The following VAMP7 variants were observed in gnomAD, a reference collection of about 807,000 sequenced individuals.
The protein encoded by VAMP7 is vesicle-associated membrane protein 7.
In VAMP7, 14 loss-of-function variants were observed where a neutral mutation model predicts 29.6. That is an observed-to-expected ratio of 0.47 (90% CI 0.31 to 0.74). The LOEUF is 0.74. Among genes scored for constraint, VAMP7 ranks in the 30% least tolerant of loss-of-function variants. The pLI, the probability that VAMP7 is intolerant of heterozygous loss-of-function variation, is 0.05. For synonymous variants in VAMP7, 95 were observed against 88.1 expected, an observed-to-expected ratio of 1.08 and a Z score of -0.44; for missense variants, 223 against 262.4, an observed-to-expected ratio of 0.85 and a Z score of 1.04.
intron 5 of VAMP7, among the ~76,000 whole-genome samples, chrX:155,905,011 T>C (rs1247285377): frequency 6.6e-6 from 1 of 151,554 alleles, no homozygotes; most frequent in Non-Finnish European, 1.5e-5. Context: ...GGCCAAACTT[T>C]CCTAAAGTGA....
At chrX:155,903,556 G>T (rs2066100561) in intron 5 of VAMP7, among the ~76,000 whole-genome samples, 2 of 151,920 alleles carry the variant, frequency 1.3e-5, no homozygotes, top group Admixed American at 1.3e-4. Flanking sequence ...GACATGAACA[G>T]ACACTTCTCA....
chrX:155,916,393 T>G (rs1343924256), intron 5 of VAMP7, among the ~76,000 whole-genome samples: 2 of 152,218 alleles, frequency 1.3e-5, no homozygotes, highest in Non-Finnish European at 2.9e-5. Flanking sequence ...TTTGATCCTG[T>G]GATTATAATG....
chrX:155,918,766 A>G (rs1348722389), intron 5 of VAMP7, among the ~76,000 whole-genome samples: 1 of 152,160 alleles, frequency 6.6e-6, no homozygotes, highest in African/African-American at 2.4e-5. Context: ...CATCTTGCCA[A>G]CCACCCTGAG....
intron 2 of VAMP7, among the ~76,000 whole-genome samples, chrX:155,892,647 G>T (rs60206718): frequency 0.018 from 2,675 of 152,018 alleles, 88 homozygotes; most frequent in African/African-American, 0.061. Context: ...AGAAACCCCT[G>T]AACATTAACA....
At chrX:155,919,041 GT>G (rs1248499725) in intron 5 of VAMP7, among the ~76,000 whole-genome samples, 5 of 152,030 alleles carry the variant, frequency 3.3e-5, no homozygotes, top group African/African-American at 9.7e-5. Context: ...CTGCAGTTTT[GT>G]TTTTTTGTTG....
At chrX:155,919,466 A>G (rs1318353015) in intron 5 of VAMP7, among the ~76,000 whole-genome samples, 8 of 152,134 alleles carry the variant, frequency 5.3e-5, no homozygotes, top group Admixed American at 1.3e-4. Flanking sequence ...TCTTGAGGAT[A>G]TATCTATGGT....
At chrX:155,915,557 C>T (rs761539126) in intron 5 of VAMP7, among the ~76,000 whole-genome samples, 47 of 152,138 alleles carry the variant, frequency 3.1e-4, no homozygotes, top group Admixed American at 1.8e-3. Context: ...GATTCTGGTA[C>T]GTTGTGTCTT....
intron 6 of VAMP7, among the ~76,000 whole-genome samples, chrX:155,927,226 G>A (rs1266788209): frequency 6.6e-6 from 1 of 151,888 alleles, no homozygotes; most frequent in Non-Finnish European, 1.5e-5. Context: ...GTCGGGGAGT[G>A]GGGGCTAGGG....
intron 5 of VAMP7, among the ~76,000 whole-genome samples, chrX:155,913,242 GT>G (rs2066263461): frequency 2.6e-5 from 4 of 151,838 alleles, no homozygotes; most frequent in Admixed American, 6.6e-5. Context: ...TTGTAAATTT[GT>G]TTAAGTTCCT....
rs1301836513 is a variant in VAMP7 at position 155,942,170 on chromosome X, A to C, written c.*219A>C. On this transcript the variant is annotated 3_prime_UTR_variant, in exon 8 of 8. Transcript: ENST00000286448. ...AGATTGAACCATTCATTGCAGCAGT[A>C]GCCTTAAAAAGGCTTTTGTTTATTT... 3 of 1,541,038 alleles carry C rather than the reference A, an allele frequency of 1.9e-6. No homozygotes were observed. Among genetic ancestry groups the C allele is most frequent in the Non-Finnish European group, 1.8e-6 (2 of 1,141,854 alleles).
intron 7 of VAMP7, among the ~76,000 whole-genome samples, chrX:155,940,667 G>A (rs776524099): frequency 1.4e-4 from 22 of 152,190 alleles, no homozygotes; most frequent in South Asian, 8.3e-4. Flanking sequence ...CAATCTTTGC[G>A]AAAAGGTGTT....
chrX:155,937,888 A>C (rs2066685708), intron 6 of VAMP7, among the ~76,000 whole-genome samples: 1 of 152,168 alleles, frequency 6.6e-6, no homozygotes, highest in African/African-American at 2.4e-5. Flanking sequence ...CGTGTATCTT[A>C]CATCTTCTTT....
intron 6 of VAMP7, among the ~76,000 whole-genome samples, chrX:155,934,522 C>G (rs1603018315): frequency 2.0e-5 from 3 of 152,054 alleles, no homozygotes; most frequent in African/African-American, 4.8e-5. Context: ...AGGATTGCAA[C>G]CCCTGCCTTT....
chrX:155,907,927 C>T (rs1296636900), intron 5 of VAMP7, among the ~76,000 whole-genome samples: 7 of 152,152 alleles, frequency 4.6e-5, no homozygotes, highest in East Asian at 1.9e-4. Context: ...GAAGGGGCGG[C>T]GGGGCAGAGG....
chrX:155,904,310 A>G (rs1488129884), intron 5 of VAMP7, among the ~76,000 whole-genome samples: 1 of 151,842 alleles, frequency 6.6e-6, no homozygotes, highest in Admixed American at 6.6e-5. Context: ...CATATGTAAC[A>G]AACCTGCACA....
intron 5 of VAMP7, among the ~76,000 whole-genome samples, chrX:155,915,024 C>A (rs1333880736): frequency 6.6e-6 from 1 of 152,084 alleles, no homozygotes; most frequent in Non-Finnish European, 1.5e-5. Context: ...CTATTAATTA[C>A]TGCCTCAAGT....
At chrX:155,905,093 CT>C (rs1009445172) in intron 5 of VAMP7, among the ~76,000 whole-genome samples, 1 of 151,646 alleles carries the variant, frequency 6.6e-6, no homozygotes, top group African/African-American at 2.4e-5. Context: ...CAAAACTTAT[CT>C]TTTTTGATTA....
At chrX:155,929,844 C>G (rs1485996984) in intron 6 of VAMP7, among the ~76,000 whole-genome samples, 1 of 152,124 alleles carries the variant, frequency 6.6e-6, no homozygotes, top group Non-Finnish European at 1.5e-5. Context: ...TTACTCAAGT[C>G]CACCCTCACT....
chrX:155,909,186 TTTC>T (rs2066197569), intron 5 of VAMP7, among the ~76,000 whole-genome samples: 1 of 152,170 alleles, frequency 6.6e-6, no homozygotes, highest in South Asian at 2.1e-4. Flanking sequence ...AGATTTTTTA[TTTC>T]TTCTTGAGTC....
Sources: allele counts gnomAD v4.1 joint callset (sites outside exome capture counted in the v4.1 genomes callset), GRCh38; gene constraint gnomAD v4.1.1; transcripts MANE v1.5; gene names NCBI Gene and HGNC (gene_info 2026-07-23, HGNC 2026-07-21).